The following SYNE1 variants were observed in gnomAD, a reference collection of about 807,000 sequenced individuals.
The protein encoded by SYNE1 is nesprin-1.
SYNE1 carries 616 observed loss-of-function variants against 1,111.0 expected under a neutral mutation model. The observed-to-expected ratio is 0.55, with a 90% CI of 0.52 to 0.59. The LOEUF is 0.59. Ranked by LOEUF, SYNE1 falls within the 20% of genes least tolerant of loss-of-function variation. SYNE1 has a pLI of 0.00. For missense variants in SYNE1, 10,006 were observed against 10,417.0 expected (o/e 0.96, Z 1.72); for synonymous variants, 3,855 against 3,825.8 (o/e 1.01, Z -0.28).
rs1387041671 is a variant in SYNE1, at chr6:152,454,060, T to C, written c.2893-340A>G. The stretch of plus-strand genomic sequence containing the variant: ...CGATAGAGCTTCGGTTCCCCTTTGG[T>C]GAAGTCAGAAGAACAGAACAGAAGC... On this transcript the variant is annotated intron_variant, in intron 24 of 145. Coordinates refer to ENST00000367255, the MANE Select transcript of SYNE1 (RefSeq NM_182961.4). 2.0e-5 allele frequency among the ~76,000 whole-genome samples: 3 copies of C among 152,224 alleles called. No homozygotes were observed. In the East Asian group the frequency reaches 5.8e-4, roughly 29 times the overall value.
At chr6:152,615,252 T>C (rs1257865992) in intron 3 of SYNE1, among the ~76,000 whole-genome samples, 2 of 152,214 alleles carry the variant, frequency 1.3e-5, no homozygotes, top group Non-Finnish European at 2.9e-5. Context: ...TGAAGTTTGC[T>C]TTTTAAAAAA....
intron 130 of SYNE1, among the ~76,000 whole-genome samples, chr6:152,172,906 T>C (rs1563210625): frequency 6.6e-6 from 1 of 152,234 alleles, no homozygotes; most frequent in Non-Finnish European, 1.5e-5. Flanking sequence ...CCACTTAAAA[T>C]GTGGCCAGTG....
chr6:152,202,618 G>T (rs954462428), intron 126 of SYNE1, among the ~76,000 whole-genome samples: 3 of 152,098 alleles, frequency 2.0e-5, no homozygotes, highest in African/African-American at 7.2e-5. Flanking sequence ...AAGGCATCAA[G>T]CACAATGACC....
At chr6:152,307,848 G>C (rs1175191052) in intron 91 of SYNE1, among the ~76,000 whole-genome samples, 2 of 152,082 alleles carry the variant, frequency 1.3e-5, no homozygotes, top group African/African-American at 4.8e-5. Flanking sequence ...TTGTTTGTTT[G>C]TTTGAGACTG....
chr6:152,392,282 G>A (rs1257745132), intron 51 of SYNE1, among the ~76,000 whole-genome samples: 2 of 151,998 alleles, frequency 1.3e-5, no homozygotes, highest in East Asian at 1.9e-4. Context: ...ATGTTCTTTC[G>A]AAAAGCTGTT....
At position 152,319,023 on chromosome 6, in the gene SYNE1, A is replaced by C; in HGVS notation, c.16237-8T>G. On this transcript the variant is annotated splice_region_variant and splice_polypyrimidine_tract_variant and intron_variant, in intron 84 of 145. Transcript: ENST00000367255. ...TTTTATTTTGTCTTGGATCTAAAAA[A>C]ATCAGTAAGAACAGCAAAACAAGCC... 6.2e-7 allele frequency: 1 copy of C among 1,614,044 alleles called. No individual in the cohort carries two copies. The highest frequency in any genetic ancestry group is 8.5e-7 in the Non-Finnish European group (1 of 1,179,970).
chr6:152,587,142 T>A (rs2099542404), intron 3 of SYNE1, among the ~76,000 whole-genome samples: 1 of 145,466 alleles, frequency 6.9e-6, no homozygotes, highest in African/African-American at 2.5e-5. Flanking sequence ...CTGATCCAAT[T>A]ATCACTATTA....
At chr6:152,128,833 C>T (rs938787686) in intron 145 of SYNE1, 8 of 152,178 alleles carry the variant, frequency 5.3e-5, no homozygotes, top group Non-Finnish European at 1.2e-4. Context: ...TTCATTCTTC[C>T]CCAGCAGACT....
At chr6:152,245,913 G>A (rs930501741) in intron 105 of SYNE1, among the ~76,000 whole-genome samples, 1 of 152,208 alleles carries the variant, frequency 6.6e-6, no homozygotes, top group African/African-American at 2.4e-5. Context: ...GGACACAGCT[G>A]TGAGCTTGAG....
rs587777426 is a variant in SYNE1 at position 152,369,506 on chromosome 6, G to T, written c.9616C>A (p.Leu3206Met). The change falls in exon 60 of 146, where the codon CTG (leucine) becomes ATG (methionine). Residue 3206 changes from leucine (L) to methionine (M), a missense_variant. Around this residue, in one of 7 missense-constraint regions of SYNE1, gnomAD observed 4,955 missense variants for 5,017.2 expected, o/e 0.99. Coordinates refer to ENST00000367255, the MANE Select transcript of SYNE1 (RefSeq NM_182961.4). ...TGCTGCTCCCTCCTCTTTGCTGGCAGATCATAGAGGCGATTGCTGCTTTCA... is the reference window on the plus strand; with the variant it reads ...TGCTGCTCCCTCCTCTTTGCTGGCATATCATAGAGGCGATTGCTGCTTTCA... Reference protein sequence around the residue: ...VHESSNRLYDLPAKRREQQKL... With the variant: ...VHESSNRLYDMPAKRREQQKL... 4.3e-6 allele frequency: 7 copies of T among 1,614,172 alleles called. No homozygotes were observed. Among genetic ancestry groups the T allele is most frequent in the Middle Eastern group, 3.3e-4 (2 of 6,062 alleles).
chr6:152,268,110 C>A lies in SYNE1; in HGVS notation c.18761G>T (p.Arg6254Leu), dbSNP rs752272082. The change falls in exon 100 of 146, where the codon CGT becomes CTT. Residue 6254 changes from arginine (R) to leucine (L), a missense_variant. Around this residue, in one of 7 missense-constraint regions of SYNE1, gnomAD observed 2,182 missense variants for 2,287.8 expected, o/e 0.95. Transcript: ENST00000367255. ...ATGTTGAATTAGAATCTCCTCTCCA[C>A]GACTGGCTACTGAGCGAAGGAGACT... Reference protein sequence around the residue: ...QKSLLRSVASRGEEILIQHSA... With the variant: ...QKSLLRSVASLGEEILIQHSA... 6.2e-6 allele frequency: 10 copies of A among 1,614,112 alleles called. No individual in the cohort carries two copies. The South Asian group carries it at 8.8e-5, about 14-fold the overall frequency.
At chr6:152,512,350 C>T (rs144920571) in intron 6 of SYNE1, among the ~76,000 whole-genome samples, 7 of 151,974 alleles carry the variant, frequency 4.6e-5, no homozygotes, top group Admixed American at 1.3e-4. Flanking sequence ...CAGTATAAGA[C>T]GTTTAAGATA....
chr6:152,485,095 T>C (rs1400088679), intron 12 of SYNE1, 123 bp from the exon 13 acceptor site: 1 of 1,128,120 alleles, frequency 8.9e-7, no homozygotes, highest in African/African-American at 1.5e-5. Flanking sequence ...TTGTTGATAA[T>C]AATAACGGTA....
intron 101 of SYNE1, among the ~76,000 whole-genome samples, chr6:152,260,763 AT>A (rs1168296167): frequency 1.3e-5 from 2 of 151,944 alleles, no homozygotes; most frequent in African/African-American, 4.8e-5. Context: ...CAGGCATTAA[AT>A]TCATAATAGA....
At chr6:152,454,790 A>G (rs1042873682) in intron 24 of SYNE1, among the ~76,000 whole-genome samples, 2 of 152,250 alleles carry the variant, frequency 1.3e-5, no homozygotes, top group African/African-American at 2.4e-5. Context: ...AATCACAAAT[A>G]CATTGCATAT....
Position 152,148,344 on chromosome 6 carries a change from T to C in SYNE1, c.24677A>G (p.Glu8226Gly). 6.2e-7 allele frequency: 1 copy of C among 1,614,102 alleles called. No individual in the cohort carries two copies. The highest frequency in any genetic ancestry group is 8.5e-7 in the Non-Finnish European group (1 of 1,180,018). The change falls in exon 137 of 146, where the codon GAG becomes GGG. Residue 8226 changes from glutamate to glycine, a missense_variant. Glu to Gly is a moderately conservative substitution (Grantham distance 98, BLOSUM62 -2). Around this residue, in one of 7 missense-constraint regions of SYNE1, gnomAD observed 761 missense variants for 795.5 expected, o/e 0.96. Coordinates refer to ENST00000367255, the MANE Select transcript of SYNE1 (RefSeq NM_182961.4). This position sits in a 1 kb window ranked among gnomAD's most constrained non-coding sequence, Gnocchi z 4.1. ...PDDEHDLSDR[E>G]LELEDSAALS... ...AGCTGCAGAGTCTTCCAGCTCCAGC[T>C]CCCTGTCTGAGAGGTCGTGCTCATC...
In SYNE1 at chr6:152,230,706, A is replaced by C; in HGVS notation, c.21040-4T>G. On this transcript the variant is annotated splice_polypyrimidine_tract_variant and splice_region_variant and intron_variant, in intron 114 of 145. Transcript: ENST00000367255. ...ATAAGCCTTCCAACAGCTGGATCTGAACAAACACAATAAAATGAAATTTGC... is the reference window on the plus strand; with the variant it reads ...ATAAGCCTTCCAACAGCTGGATCTGCACAAACACAATAAAATGAAATTTGC... The C allele has an allele frequency of 1.2e-6, 2 of 1,613,780 alleles. No homozygotes were observed. Among genetic ancestry groups the C allele is most frequent in the Non-Finnish European group, 8.5e-7 (1 of 1,179,836 alleles).
intron 3 of SYNE1, among the ~76,000 whole-genome samples, chr6:152,587,666 C>G (rs1444816074): frequency 6.6e-6 from 1 of 152,184 alleles, no homozygotes; most frequent in Non-Finnish European, 1.5e-5. Context: ...CTTCCCACAT[C>G]CTCTCTTGTA....
intron 3 of SYNE1, among the ~76,000 whole-genome samples, chr6:152,605,006 A>AAGAAAGAAAGAAAGAG (rs1565139805): frequency 1.6e-4 from 4 of 25,588 alleles, no homozygotes; most frequent in Non-Finnish European, 2.0e-4. Context: ...GAAAGAAAGA[A>AAGAAAGAAAGAAAGAG]AGAGAGAGAG....
Sources: allele counts gnomAD v4.1 joint callset (sites outside exome capture counted in the v4.1 genomes callset), GRCh38; gene constraint gnomAD v4.1.1; regional missense constraint gnomAD v4.1.1; non-coding constraint Gnocchi (gnomAD v3.1); transcripts MANE v1.5; gene names NCBI Gene and HGNC (gene_info 2026-07-23, HGNC 2026-07-21).